Variants in ASPM observed in about 807,000 individuals in gnomAD.
The protein encoded by ASPM is assembly factor for spindle microtubules.
A neutral mutation model predicts 366.4 loss-of-function variants in ASPM; 256 were observed. The observed-to-expected ratio is 0.70, with a 90% CI of 0.63 to 0.77. The LOEUF (loss-of-function observed/expected upper bound fraction) is 0.77. Ranked by LOEUF, ASPM falls within the 30% of genes least tolerant of loss-of-function variation. The probability of loss-of-function intolerance (pLI) is 0.00; values close to 1 mark genes in which losing one functional copy is unlikely to be tolerated. For synonymous variants in ASPM, 1,414 were observed against 1,342.9 expected, an observed-to-expected ratio of 1.05 and a Z score of -1.16; for missense variants, 4,146 against 4,090.4, an observed-to-expected ratio of 1.01 and a Z score of -0.37.
Position 197,100,853 on chromosome 1 carries a change from C to A in ASPM, c.8398G>T (p.Ala2800Ser). The A allele has an allele frequency of 6.2e-7, 1 of 1,612,598 alleles. No homozygotes were observed. Residue 2800 changes from alanine to serine, a missense_variant, in exon 18 of 28, where the codon GCT becomes TCT. Ala to Ser is a moderately conservative substitution (Grantham distance 99). Around this residue, in one of 3 missense-constraint regions of ASPM, gnomAD observed 3,624 missense variants for 3,591.7 expected, o/e 1.01. Coordinates refer to ENST00000367409, the MANE Select transcript of ASPM (RefSeq NM_018136.5). ...EGVMIQEWYK[A>S]SGLACSQEAE... ...TCCTGTGAACAAGCAAGGCCAGAAG[C>A]TTTATACCACTCTTGAATCATAACA...
At chr1:197,108,870 C>T (rs1029500243) in intron 17 of ASPM, among the ~76,000 whole-genome samples, 8 of 148,372 alleles carry the variant, frequency 5.4e-5, no homozygotes, top group Non-Finnish European at 1.0e-4. Context: ...ACTTGGGAGG[C>T]TGAGGTGGGA....
In ASPM at chr1:197,138,856, GTT is replaced by G. The variant is rs1348498005; in HGVS notation, c.2026+909_2026+910del. 8.8e-6 allele frequency: 8 copies of G among 909,228 alleles called. No homozygotes were observed. In the East Asian group the frequency reaches 1.9e-4, roughly 22 times the overall value. The allele number at this position is 909,228 out of a possible 1,614,324, so 56.3% of individuals were successfully genotyped here. ...AAATCTATTATTTCTCCTTCCAGTT[GTT>G]TTTTCTCTTCTTCGAGCTTCCTTAT... is the stretch of plus-strand genomic sequence containing the variant. On this transcript the variant is annotated intron_variant, in intron 4 of 27. Coordinates refer to ENST00000367409, the MANE Select transcript of ASPM (RefSeq NM_018136.5).
Position 197,101,422 on chromosome 1 carries a change from G to A in ASPM, c.7829C>T (p.Ala2610Val). 6.2e-7 allele frequency: 1 copy of A among 1,608,408 alleles called. No homozygotes were observed. Among genetic ancestry groups the A allele is most frequent in the Non-Finnish European group, 8.5e-7 (1 of 1,178,988 alleles). ...NELKKETCVQ[A>V]GFQDMNIKKQ... ...TTTTATGTTCATGTCCTGAAAACCT[G>A]CCTGAACACAAGTCTCTTTCTTAAG... Residue 2610 changes from alanine (A) to valine (V), a missense_variant, in exon 18 of 28, where the codon GCA becomes GTA. Ala to Val is a moderately conservative substitution (Grantham distance 64, BLOSUM62 0). Coordinates refer to ENST00000367409, the MANE Select transcript of ASPM (RefSeq NM_018136.5).
At chr1:197,092,945 C>CTGAATTTGTTCTGACCAATA in intron 21 of ASPM, 107 bp downstream of exon 21, 1 of 948,942 alleles carries the variant, frequency 1.1e-6, no homozygotes, top group Non-Finnish European at 1.6e-6. Context: ...AGTTAATGGT[C>CTGAATTTGTTCTGACCAATA]ATATTAGTTC....
intron 3 of ASPM, among the ~76,000 whole-genome samples, chr1:197,141,972 TCAAA>T (rs1329182964): frequency 6.6e-6 from 1 of 152,172 alleles, no homozygotes. Flanking sequence ...GCTGGCTGCC[TCAAA>T]CAAACAGTAG....
chr1:197,144,301 C>T (rs147139396), intron 1 of ASPM, among the ~76,000 whole-genome samples: 1 of 152,192 alleles, frequency 6.6e-6, no homozygotes, highest in Non-Finnish European at 1.5e-5. Context: ...TAACAGGGTT[C>T]ACAACAAAAT....
At chr1:197,144,612 T>C (rs1658708104) in intron 1 of ASPM, among the ~76,000 whole-genome samples, 1 of 152,208 alleles carries the variant, frequency 6.6e-6, no homozygotes, top group African/African-American at 2.4e-5. Flanking sequence ...ACTCATTTAA[T>C]GCTAACATCC....
At chr1:197,111,913 G>A (rs1199206797) in intron 17 of ASPM, among the ~76,000 whole-genome samples, 1 of 152,124 alleles carries the variant, frequency 6.6e-6, no homozygotes, top group African/African-American at 2.4e-5. Flanking sequence ...ACTGTTGGTG[G>A]GAGTATAAAT....
At chr1:197,100,128 T>A (rs915301182) in intron 18 of ASPM, among the ~76,000 whole-genome samples, 1 of 151,746 alleles carries the variant, frequency 6.6e-6, no homozygotes, top group Non-Finnish European at 1.5e-5. Flanking sequence ...CTTAAAGAAA[T>A]AACTTTGCCA....
At chr1:197,115,485 C>A (rs1459175882) in intron 17 of ASPM, among the ~76,000 whole-genome samples, 1 of 152,140 alleles carries the variant, frequency 6.6e-6, no homozygotes, top group Non-Finnish European at 1.5e-5. Flanking sequence ...AATGATGAAT[C>A]CTTTCCAGAA....
Position 197,102,782 on chromosome 1 carries a change from T to C in ASPM, c.6469A>G (p.Lys2157Glu). The C allele has an allele frequency of 4.3e-6, 7 of 1,612,512 alleles. No individual in the cohort carries two copies. Among genetic ancestry groups the C allele is most frequent in the Non-Finnish European group, 5.9e-6 (7 of 1,179,196 alleles). ...QVRCRAYYQG[K>E]MQREKYLTIL... ...GTCAGGTACTTTTCACGCTGCATTT[T>C]ACCTTGATAATATGCTCTACATCTT... The change falls in exon 18 of 28, where the codon AAA becomes GAA. Residue 2157 changes from lysine (K) to glutamate (E), a missense_variant. By Grantham distance (56) the Lys-to-Glu change is moderately conservative. This residue lies in a region of ASPM where 3,624 missense variants were observed against 3,591.7 expected (regional missense o/e 1.01). Transcript: ENST00000367409.
chr1:197,124,405 T>A, intron 12 of ASPM, 74 bp from the exon 13 acceptor site: 1 of 1,079,386 alleles, frequency 9.3e-7, no homozygotes, highest in Non-Finnish European at 1.4e-6. Context: ...GAAATCAAAG[T>A]AACTGTCTTC....
At position 197,102,206 on chromosome 1, in the gene ASPM, T is replaced by G. The variant is rs771273638; in HGVS notation, c.7045A>C (p.Arg2349=). The G allele has an allele frequency of 8.6e-5, 138 of 1,612,696 alleles. No individual in the cohort carries two copies. Among genetic ancestry groups the G allele is most frequent in the Middle Eastern group, 1.6e-4 (1 of 6,074 alleles). Residue 2349 remains arginine (R), a synonymous_variant, in exon 18 of 28, where the codon AGA becomes CGA. Transcript: ENST00000367409. ...TFIQSTFRMH[R]LHMRYQALKQ... The stretch of plus-strand genomic sequence containing the variant: ...AAAGCCTGATATCTCATATGTAATC[T>G]GTGCATTCTGAAAGTAGACTGGATG...
chr1:197,144,450 C>G (rs944728727), intron 1 of ASPM, among the ~76,000 whole-genome samples: 1 of 151,912 alleles, frequency 6.6e-6, no homozygotes, highest in African/African-American at 2.4e-5. Flanking sequence ...ACACAAGGAC[C>G]CTGCATTATG....
In ASPM at chr1:197,143,952, A is replaced by C. The variant is rs1359443986; in HGVS notation, c.441+5T>G. 3.1e-6 allele frequency: 5 copies of C among 1,602,934 alleles called. No individual in the cohort carries two copies. Among genetic ancestry groups the C allele is most frequent in the Non-Finnish European group, 4.3e-6 (5 of 1,170,522 alleles). On this transcript the variant is annotated splice_donor_5th_base_variant and intron_variant, in intron 2 of 27. Coordinates refer to ENST00000367409, the MANE Select transcript of ASPM (RefSeq NM_018136.5). ...GAGTAAATCACAGAATGGTTAAAAC[A>C]TTACCTTTTTCTTTTTCTGCTCTTC...
At chr1:197,090,449 CA>C in intron 23 of ASPM, 61 bp from the exon 24 acceptor site, 1 of 1,261,518 alleles carries the variant, frequency 7.9e-7, no homozygotes, top group Non-Finnish European at 1.1e-6. Flanking sequence ...TTTATATCTA[CA>C]TCTGTTTTCA....
In ASPM at chr1:197,092,006, T is replaced by A. The variant is rs373811633; in HGVS notation, c.9345A>T (p.Ala3115=). Residue 3115 remains alanine (A), a synonymous_variant, in exon 22 of 28, where the codon GCA becomes GCT. Coordinates refer to ENST00000367409, the MANE Select transcript of ASPM (RefSeq NM_018136.5). ...KIRLLHFTAA[A]YYHLNAVRIQ... Reference sequence around the variant, plus strand: ...TTCTAACAGCATTCAGGTGATAATATGCAGCTGCAGTGAAGTGAAGAAGTC... The same window carrying A: ...TTCTAACAGCATTCAGGTGATAATAAGCAGCTGCAGTGAAGTGAAGAAGTC... 1 of 1,612,200 alleles carries A rather than the reference T, an allele frequency of 6.2e-7. No homozygotes were observed.
chr1:197,120,022 T>A (rs905409330), intron 16 of ASPM, among the ~76,000 whole-genome samples: 2 of 152,042 alleles, frequency 1.3e-5, no homozygotes, highest in African/African-American at 4.8e-5. Context: ...TGTGAGGTAA[T>A]TGTATAAAAG....
Position 197,121,989 on chromosome 1 carries a change from C to T in ASPM, c.3796G>A (p.Glu1266Lys), listed in dbSNP as rs199422161. The change falls in exon 16 of 28, where the codon GAA (glutamate) becomes AAA (lysine). Residue 1266 changes from glutamate to lysine, a missense_variant. Glu to Lys is a moderately conservative substitution (Grantham distance 56, BLOSUM62 1). This residue lies in a region of ASPM where 3,624 missense variants were observed against 3,591.7 expected (regional missense o/e 1.01). Transcript: ENST00000367409. Reference protein sequence around the residue: ...LCARLLDLRKEIRAARLIQTT... With the variant: ...LCARLLDLRKKIRAARLIQTT... ...TGTATGAGTCGAGCAGCTCTTATTT[C>T]TTTACGAAGATCCAAAAGCCTTGCA... 1 of 1,611,806 alleles carries T rather than the reference C, an allele frequency of 6.2e-7. No homozygotes were observed. The highest frequency in any genetic ancestry group is 1.1e-5 in the South Asian group (1 of 91,028).
Sources: allele counts gnomAD v4.1 joint callset (sites outside exome capture counted in the v4.1 genomes callset), GRCh38; gene constraint gnomAD v4.1.1; regional missense constraint gnomAD v4.1.1; transcripts MANE v1.5; gene names NCBI Gene and HGNC (gene_info 2026-07-23, HGNC 2026-07-21).